The following CNTN4 variants were observed in gnomAD, a reference collection of about 807,000 sequenced individuals.
CNTN4 encodes the protein contactin-4.
Under a neutral mutation model 122.5 loss-of-function variants are expected in CNTN4, and 77 were observed. The observed-to-expected ratio is 0.63, with a 90% CI of 0.52 to 0.76. CNTN4 has a LOEUF of 0.76. CNTN4 is among the 30% of genes least tolerant of loss of function. The pLI is 0.00. For missense variants in CNTN4, 1,256 were observed against 1,259.1 expected (o/e 1.00, Z 0.04); for synonymous variants, 512 against 447.0 (o/e 1.15, Z -1.83).
intron 3 of CNTN4, among the ~76,000 whole-genome samples, chr3:2,566,314 AT>A (rs1360237464): frequency 6.6e-6 from 1 of 152,208 alleles, no homozygotes; most frequent in Non-Finnish European, 1.5e-5. Flanking sequence ...ATTTCTAGAT[AT>A]TTAACCTTGG....
At chr3:2,905,737 G>A (rs1018893872) in intron 12 of CNTN4, among the ~76,000 whole-genome samples, 1 of 152,202 alleles carries the variant, frequency 6.6e-6, no homozygotes, top group African/African-American at 2.4e-5. Flanking sequence ...TTGTAAAAAT[G>A]TAAGGCTTGC....
chr3:2,686,016 T>C (rs1249174430), intron 4 of CNTN4, among the ~76,000 whole-genome samples: 1 of 152,104 alleles, frequency 6.6e-6, no homozygotes, highest in Non-Finnish European at 1.5e-5. Flanking sequence ...GTGCATGGAA[T>C]GAAAATAATT....
rs1240540697 is a variant in CNTN4, at chr3:3,038,857, C to T, written c.2093-76C>T. ...CAGAGTACTCACTGAAAGTGAGTCACCTCTGCCAGGCAACCTTCCTGGCCC... is the reference window on the plus strand; with the variant it reads ...CAGAGTACTCACTGAAAGTGAGTCATCTCTGCCAGGCAACCTTCCTGGCCC... On this transcript the variant is annotated intron_variant, in intron 18 of 24. Coordinates refer to ENST00000418658, the MANE Select transcript of CNTN4 (RefSeq NM_175607.3). 2.7e-5 allele frequency: 34 copies of T among 1,237,892 alleles called. 1 individual carries two copies. In the East Asian group the frequency reaches 5.8e-4, roughly 21 times the overall value. The allele number at this position is 1,237,892 out of a possible 1,614,324, so 76.7% of individuals were successfully genotyped here.
chr3:2,252,013 G>A (rs1291968165), intron 2 of CNTN4, among the ~76,000 whole-genome samples: 1 of 151,840 alleles, frequency 6.6e-6, no homozygotes, highest in Non-Finnish European at 1.5e-5. Flanking sequence ...TTTAGGCTAA[G>A]TTAATTCAAA....
chr3:2,194,051 T>C (rs1228170372), intron 2 of CNTN4, among the ~76,000 whole-genome samples: 5 of 152,222 alleles, frequency 3.3e-5, no homozygotes, highest in African/African-American at 1.2e-4. Context: ...GTAACTGTAC[T>C]ATGGGTACAT....
rs181470048 is a variant in CNTN4 at position 2,917,679 on chromosome 3, T to C, written c.1208-7950T>C. ...TTATGGTCAATTAAATTGAGTTTAT[T>C]TGAGGTGCCACAGATCTGTAATCTG... On this transcript the variant is annotated intron_variant, in intron 12 of 24. Coordinates refer to ENST00000418658, the MANE Select transcript of CNTN4 (RefSeq NM_175607.3). 4.3e-4 allele frequency among the ~76,000 whole-genome samples: 66 copies of C among 152,338 alleles called. 1 individual carries two copies. The East Asian group carries it at 8.5e-3, about 20-fold the overall frequency.
chr3:2,781,901 T>A (rs2091601865), intron 6 of CNTN4, among the ~76,000 whole-genome samples: 1 of 141,384 alleles, frequency 7.1e-6, no homozygotes, highest in Admixed American at 7.1e-5. Flanking sequence ...TTTTTTGTAT[T>A]TTTAGTAGAG....
chr3:2,384,687 T>C (rs886365073), intron 3 of CNTN4, among the ~76,000 whole-genome samples: 1 of 152,066 alleles, frequency 6.6e-6, no homozygotes, highest in African/African-American at 2.4e-5. Flanking sequence ...CCCATGCTCT[T>C]AGCCCAGCTA....
At chr3:2,549,041 G>A (rs2078367926) in intron 3 of CNTN4, among the ~76,000 whole-genome samples, 1 of 152,142 alleles carries the variant, frequency 6.6e-6, no homozygotes, top group African/African-American at 2.4e-5. Context: ...CTGTGACTTT[G>A]CTGAAGTTGC....
chr3:2,135,604 G>A (rs1255513795), intron 2 of CNTN4, among the ~76,000 whole-genome samples: 2 of 151,586 alleles, frequency 1.3e-5, no homozygotes, highest in Non-Finnish European at 2.9e-5. Flanking sequence ...TCCGAGGCTG[G>A]TAATGGAGCT....
chr3:2,802,039 A>C (rs972129), intron 6 of CNTN4, among the ~76,000 whole-genome samples: 148,788 of 152,290 alleles, frequency 0.98, 72,775 homozygotes, highest in East Asian at 1. Context: ...TTATTATTAC[A>C]ACTACTTCTA....
intron 14 of CNTN4, among the ~76,000 whole-genome samples, chr3:3,016,784 C>G (rs1697798712): frequency 6.6e-6 from 1 of 152,116 alleles, no homozygotes; most frequent in African/African-American, 2.4e-5. Context: ...ATAGTAGTTT[C>G]CATTTGTGGC....
intron 2 of CNTN4, among the ~76,000 whole-genome samples, chr3:2,146,167 T>A (rs1259139572): frequency 2.6e-5 from 4 of 151,596 alleles, no homozygotes; most frequent in Non-Finnish European, 5.9e-5. Flanking sequence ...CTAAGACTTC[T>A]ATTGATGTTA....
intron 4 of CNTN4, among the ~76,000 whole-genome samples, chr3:2,635,115 T>G (rs923884352): frequency 7.2e-5 from 11 of 152,190 alleles, no homozygotes; most frequent in Admixed American, 7.2e-4. Flanking sequence ...GTTGCTGTAT[T>G]ACACTTAAAC....
rs558762593 is a variant in CNTN4, at chr3:2,841,018, C to G, written c.454+21437C>G. ...CTCTTCCATCAGCTTTTCTCCTTCT[C>G]TATTCTGCATTATCATATGAAATCA... On this transcript the variant is annotated intron_variant, in intron 7 of 24. Coordinates refer to ENST00000418658, the MANE Select transcript of CNTN4 (RefSeq NM_175607.3). The surrounding 1 kb of genome is among the most constrained non-coding windows in gnomAD (Gnocchi z 4.8). Among the ~76,000 whole-genome samples the G allele has an allele frequency of 4.0e-4, 61 of 152,178 alleles. No individual in the cohort carries two copies. The highest frequency in any genetic ancestry group is 7.3e-4 in the Non-Finnish European group (50 of 68,030).
intron 7 of CNTN4, among the ~76,000 whole-genome samples, chr3:2,848,876 A>C (rs574255111): frequency 2.4e-4 from 36 of 152,234 alleles, no homozygotes; most frequent in Non-Finnish European, 4.4e-4. Flanking sequence ...GCCAGACGAC[A>C]TAGGTCTATT....
At chr3:2,970,272 T>C (rs1267360849) in intron 13 of CNTN4, among the ~76,000 whole-genome samples, 1 of 151,988 alleles carries the variant, frequency 6.6e-6, no homozygotes, top group Non-Finnish European at 1.5e-5. Context: ...TTCTTTCATA[T>C]TTTTTGTAGA....
In CNTN4 at chr3:2,702,284, A is replaced by C. The variant is rs115967245; in HGVS notation, c.56-33931A>C. ...CCAAAGGAAACCAGAGTGGATGACC[A>C]GCAAAGAGCATATGTCCACTGTGGG... On this transcript the variant is annotated intron_variant, in intron 4 of 24. Transcript: ENST00000418658. 8.0e-3 allele frequency among the ~76,000 whole-genome samples: 1,224 copies of C among 152,382 alleles called. 3 individuals are homozygous for C. Among genetic ancestry groups the C allele is most frequent in the Non-Finnish European group, 1.0e-2 (679 of 68,038 alleles).
At chr3:2,940,118 T>C (rs2094600271) in intron 13 of CNTN4, among the ~76,000 whole-genome samples, 2 of 152,012 alleles carry the variant, frequency 1.3e-5, no homozygotes, top group Non-Finnish European at 2.9e-5. Flanking sequence ...GTAATAAGGG[T>C]GTGGGAGGTT....
Sources: gnomAD v4.1 joint callset for allele counts (sites outside exome capture counted in the v4.1 genomes callset) on GRCh38, gnomAD v4.1.1 for gene constraint, Gnocchi (gnomAD v3.1) non-coding constraint, MANE v1.5 for transcripts, NCBI Gene and HGNC (gene_info 2026-07-23, HGNC 2026-07-21) for gene names.